Variants in KIZ observed in about 807,000 individuals in gnomAD.
KIZ encodes centrosomal protein kizuna.
Under a neutral mutation model 79.6 loss-of-function variants are expected in KIZ, and 68 were observed. The ratio of observed to expected loss-of-function variants is 0.85; its 90% CI spans 0.70 to 1.05. KIZ has a LOEUF of 1.05. Among genes scored for constraint, KIZ ranks in the 50% least tolerant of loss-of-function variants. The pLI, the probability that KIZ is intolerant of heterozygous loss-of-function variation, is 0.00. For missense variants in KIZ, 797 were observed against 800.4 expected (o/e 1.00, Z 0.05); for synonymous variants, 280 against 281.8 (o/e 0.99, Z 0.06).
chr20:21,222,313 T>C (rs933628681), intron 9 of KIZ, among the ~76,000 whole-genome samples: 1 of 152,176 alleles, frequency 6.6e-6, no homozygotes, highest in African/African-American at 2.4e-5. Context: ...TTTTAGAACA[T>C]ACCCATGCCC....
chr20:21,244,708 C>T (rs1278239132), intron 12 of KIZ: 1 of 164,736 alleles, frequency 6.1e-6, no homozygotes. Context: ...CTGGGAACTC[C>T]CAGCTCCTCC....
chr20:21,225,065 CA>C (rs1173164552), intron 9 of KIZ, among the ~76,000 whole-genome samples: 2 of 152,100 alleles, frequency 1.3e-5, no homozygotes, highest in Non-Finnish European at 2.9e-5. Flanking sequence ...GCTTATGTAA[CA>C]AAGTAAGGGA....
chr20:21,132,154 A>G lies in KIZ; in HGVS notation c.147A>G (p.Thr49=). The stretch of plus-strand genomic sequence containing the variant: ...TTTATGAATATAATCAGTCTGATAC[A>G]TGCAGGTAAGAGACGACAGTGGGAA... ...KKLYEYNQSD[T]CRVKLKYVKL... The change falls in exon 2 of 13, where the codon ACA becomes ACG. Residue 49 remains threonine, a synonymous_variant. Coordinates refer to ENST00000619189, the MANE Select transcript of KIZ (RefSeq NM_018474.6). The G allele has an allele frequency of 2.1e-6, 3 of 1,457,824 alleles. No individual in the cohort carries two copies. The highest frequency in any genetic ancestry group is 2.8e-6 in the Non-Finnish European group (3 of 1,070,140). 90.3% of individuals were successfully genotyped at this position (1,457,824 alleles called of 1,614,324 possible). A position where few individuals can be genotyped will look rare whatever the true frequency, so the allele number is the denominator to read the frequency against.
chr20:21,237,295 C>A (rs1165737001), intron 11 of KIZ, among the ~76,000 whole-genome samples: 1 of 147,056 alleles, frequency 6.8e-6, no homozygotes, highest in Non-Finnish European at 1.5e-5. Flanking sequence ...GAACAAAACT[C>A]CGTCTCAAAA....
intron 4 of KIZ, among the ~76,000 whole-genome samples, chr20:21,152,373 G>A (rs1239830862): frequency 1.3e-5 from 2 of 152,210 alleles, no homozygotes; most frequent in Non-Finnish European, 2.9e-5. Context: ...TTGTGGTTGA[G>A]ACTGTTCTTT....
At chr20:21,133,260 A>C (rs1009670974) in intron 2 of KIZ, 19 of 152,252 alleles carry the variant, frequency 1.2e-4, no homozygotes, top group African/African-American at 4.6e-4. Context: ...GTGTACTTCC[A>C]AAGCTTCCAG....
intron 11 of KIZ, among the ~76,000 whole-genome samples, chr20:21,238,111 G>A (rs574290140): frequency 2.6e-5 from 4 of 152,054 alleles, no homozygotes; most frequent in Admixed American, 6.6e-5. Context: ...GATTATAGGC[G>A]AGCCACCATG....
intron 6 of KIZ, among the ~76,000 whole-genome samples, chr20:21,177,232 A>T (rs959383575): frequency 6.6e-6 from 1 of 152,144 alleles, no homozygotes; most frequent in Non-Finnish European, 1.5e-5. Flanking sequence ...CAGTTTCTCT[A>T]CATCTTTGCC....
At chr20:21,223,021 C>T (rs1044207880) in intron 9 of KIZ, among the ~76,000 whole-genome samples, 1 of 152,102 alleles carries the variant, frequency 6.6e-6, no homozygotes, top group African/African-American at 2.4e-5. Context: ...GTAATTATTC[C>T]TGAACCTACT....
rs113854514 is a variant in KIZ at position 21,170,679 on chromosome 20, C to T, written c.1352+7520C>T. Among the ~76,000 whole-genome samples, 854 of 152,252 alleles carry T rather than the reference C, an allele frequency of 5.6e-3. 4 individuals are homozygous for T. The highest frequency in any genetic ancestry group is 0.01 in the Non-Finnish European group (706 of 68,020). On this transcript the variant is annotated intron_variant, in intron 6 of 12. Coordinates refer to ENST00000619189, the MANE Select transcript of KIZ (RefSeq NM_018474.6). The stretch of plus-strand genomic sequence containing the variant: ...CTGGGATTACAGGCGTGAGCCACCA[C>T]GCCCGGCCATCAAATACTAGATCTT...
At chr20:21,127,055 A>C (rs2031526926) in intron 1 of KIZ, among the ~76,000 whole-genome samples, 1 of 152,244 alleles carries the variant, frequency 6.6e-6, no homozygotes, top group Non-Finnish European at 1.5e-5. Flanking sequence ...TGTGTGCGTG[A>C]CAGTGCTAAA....
At chr20:21,160,085 C>T (rs935661951) in intron 4 of KIZ, among the ~76,000 whole-genome samples, 3 of 152,114 alleles carry the variant, frequency 2.0e-5, no homozygotes, top group African/African-American at 7.2e-5. Flanking sequence ...TAAGTTGAAC[C>T]TTCTCATACC....
At chr20:21,210,953 C>A (rs1469816551) in intron 7 of KIZ, among the ~76,000 whole-genome samples, 1 of 149,340 alleles carries the variant, frequency 6.7e-6, no homozygotes, top group African/African-American at 2.6e-5. Flanking sequence ...AATATTATTT[C>A]TTATTGACTT....
intron 6 of KIZ, chr20:21,197,163 A>G (rs2035375930): frequency 6.6e-6 from 1 of 152,190 alleles, no homozygotes; most frequent in Non-Finnish European, 1.5e-5. Flanking sequence ...TCATTTTTTA[A>G]AAGATGGTAA....
intron 10 of KIZ, 77 bp from the exon 11 acceptor site, chr20:21,232,657 G>A: frequency 1.3e-6 from 1 of 754,060 alleles, no homozygotes; most frequent in Non-Finnish European, 2.4e-6. Context: ...CAAACTTACT[G>A]TGAGGCCACT....
In KIZ at chr20:21,243,445, G is replaced by A. The variant is rs184144681; in HGVS notation, c.1881-800G>A. 1.5e-4 allele frequency among the ~76,000 whole-genome samples: 23 copies of A among 152,292 alleles called. No individual in the cohort carries two copies. The East Asian group carries it at 3.5e-3, about 23-fold the overall frequency. On this transcript the variant is annotated intron_variant, in intron 11 of 12. Transcript: ENST00000619189. ...ACAAGGCCCTGGCTGTGAGAAGGGC[G>A]GTGGTGGTGCGTGGGGTAGGGCAAA...
At chr20:21,145,855 G>T (rs2032819594) in intron 4 of KIZ, among the ~76,000 whole-genome samples, 1 of 152,186 alleles carries the variant, frequency 6.6e-6, no homozygotes, top group Non-Finnish European at 1.5e-5. Context: ...GTTACTTTGT[G>T]AAGAAAGGAT....
At chr20:21,240,026 G>T (rs550951377) in intron 11 of KIZ, among the ~76,000 whole-genome samples, 2 of 152,304 alleles carry the variant, frequency 1.3e-5, no homozygotes, top group African/African-American at 4.8e-5. Context: ...ATGGGAATGG[G>T]ACATTCCTGG....
chr20:21,151,153 C>G (rs1355737852), intron 4 of KIZ: 1 of 152,184 alleles, frequency 6.6e-6, no homozygotes, highest in Non-Finnish European at 1.5e-5. Flanking sequence ...AACTTAATTT[C>G]TTAGTCACAC....
Sources: allele counts gnomAD v4.1 joint callset (sites outside exome capture counted in the v4.1 genomes callset), GRCh38; gene constraint gnomAD v4.1.1; transcripts MANE v1.5; gene names NCBI Gene and HGNC (gene_info 2026-07-23, HGNC 2026-07-21).